Variants in CNTNAP5 observed in about 807,000 individuals in gnomAD.
The protein encoded by CNTNAP5 is contactin associated protein family member 5, also known as contactin-associated protein-like 5.
A neutral mutation model predicts 150.2 loss-of-function variants in CNTNAP5; 72 were observed. That is an observed-to-expected ratio of 0.48 (90% CI 0.40 to 0.58). The LOEUF (loss-of-function observed/expected upper bound fraction) is 0.58. Ranked by LOEUF, CNTNAP5 falls within the 20% of genes least tolerant of loss-of-function variation. The probability of loss-of-function intolerance (pLI) is 0.00; values close to 1 mark genes in which losing one functional copy is unlikely to be tolerated. For synonymous variants in CNTNAP5, 672 were observed against 619.8 expected, an observed-to-expected ratio of 1.08 and a Z score of -1.25; for missense variants, 1,636 against 1,626.2, an observed-to-expected ratio of 1.01 and a Z score of -0.10.
chr2:124,835,339 G>A lies in CNTNAP5; in HGVS notation c.3218-29967G>A, dbSNP rs565872254. ...CTCAGTCCTTTGGGTCTCAATTATT[G>A]CCCTGTGTAAATTCCTGGACCTGAA... On this transcript the variant is annotated intron_variant, in intron 19 of 23. Transcript: ENST00000682447. 5.9e-5 allele frequency among the ~76,000 whole-genome samples: 9 copies of A among 151,892 alleles called. No individual in the cohort carries two copies. The South Asian group carries it at 1.9e-3, about 32-fold the overall frequency.
At chr2:124,901,561 C>T (rs928424172) in intron 21 of CNTNAP5, among the ~76,000 whole-genome samples, 1 of 152,052 alleles carries the variant, frequency 6.6e-6, no homozygotes, top group Non-Finnish European at 1.5e-5. Context: ...ATAATATTCC[C>T]CAAGAGTGTC....
chr2:124,230,923 C>A (rs1241334772), intron 2 of CNTNAP5, among the ~76,000 whole-genome samples: 2 of 152,158 alleles, frequency 1.3e-5, no homozygotes, highest in African/African-American at 4.8e-5. Flanking sequence ...CTTTTCAGCA[C>A]CTTTCCTTTC....
chr2:124,745,148 T>C (rs1680579015), intron 13 of CNTNAP5, among the ~76,000 whole-genome samples: 1 of 152,142 alleles, frequency 6.6e-6, no homozygotes, highest in Non-Finnish European at 1.5e-5. Flanking sequence ...CAAATAAGAA[T>C]TGGTAAATCT....
At chr2:124,740,888 A>G (rs1461227041) in intron 13 of CNTNAP5, among the ~76,000 whole-genome samples, 2 of 151,794 alleles carry the variant, frequency 1.3e-5, no homozygotes, top group African/African-American at 2.4e-5. Flanking sequence ...CTGGAAGGGC[A>G]GGTGGAAACA....
intron 2 of CNTNAP5, among the ~76,000 whole-genome samples, chr2:124,224,605 T>C (rs1395674368): frequency 6.6e-6 from 1 of 151,998 alleles, no homozygotes; most frequent in Non-Finnish European, 1.5e-5. Flanking sequence ...GTTATATAAA[T>C]ATATTCATAC....
chr2:124,344,361 A>T (rs537731677), intron 3 of CNTNAP5, among the ~76,000 whole-genome samples: 36 of 148,464 alleles, frequency 2.4e-4, no homozygotes, highest in Admixed American at 6.1e-4. Context: ...TGTAAAATTT[A>T]AAAAAAAAAA....
intron 3 of CNTNAP5, among the ~76,000 whole-genome samples, chr2:124,312,639 C>T (rs1421729491): frequency 8.5e-5 from 13 of 152,220 alleles, no homozygotes; most frequent in African/African-American, 3.1e-4. Flanking sequence ...GGCACTACCT[C>T]GGCTCACTGC....
chr2:124,853,416 T>C (rs1677268894), intron 19 of CNTNAP5, among the ~76,000 whole-genome samples: 1 of 152,192 alleles, frequency 6.6e-6, no homozygotes, highest in Admixed American at 6.5e-5. Context: ...ATTCCTTTTG[T>C]GGGGTCACAG....
intron 3 of CNTNAP5, among the ~76,000 whole-genome samples, chr2:124,386,732 TC>T (rs78654997): frequency 0.16 from 25,069 of 152,036 alleles, 2,198 homozygotes; most frequent in East Asian, 0.28. Context: ...TTCAAATGTC[TC>T]CCCAGTTTTG....
chr2:124,373,489 C>T (rs1326249676), intron 3 of CNTNAP5, among the ~76,000 whole-genome samples: 1 of 151,894 alleles, frequency 6.6e-6, no homozygotes, highest in African/African-American at 2.4e-5. Flanking sequence ...AAAGTGGTGC[C>T]ACGAGGAGTT....
intron 12 of CNTNAP5, among the ~76,000 whole-genome samples, chr2:124,644,397 T>C (rs1327545917): frequency 6.6e-6 from 1 of 152,210 alleles, no homozygotes; most frequent in East Asian, 1.9e-4. Flanking sequence ...AAAAATATTA[T>C]GGCAATAATA....
chr2:124,520,118 A>T (rs923182881), intron 8 of CNTNAP5, among the ~76,000 whole-genome samples: 11 of 152,176 alleles, frequency 7.2e-5, no homozygotes, highest in African/African-American at 2.4e-4. Flanking sequence ...TTTTAACAAG[A>T]TGGGAATCAT....
chr2:124,784,783 G>A (rs906477166), intron 17 of CNTNAP5, among the ~76,000 whole-genome samples: 1 of 152,150 alleles, frequency 6.6e-6, no homozygotes, highest in African/African-American at 2.4e-5. Context: ...GTGACTCCAG[G>A]CTTTGCCACA....
At chr2:124,384,423 G>T (rs969414138) in intron 3 of CNTNAP5, among the ~76,000 whole-genome samples, 1 of 152,088 alleles carries the variant, frequency 6.6e-6, no homozygotes, top group African/African-American at 2.4e-5. Flanking sequence ...TTTTAAAAAA[G>T]CTCCTATGTA....
In CNTNAP5 at chr2:124,505,843, G is replaced by A. The variant is rs372631405; in HGVS notation, c.1327+1287G>A. On this transcript the variant is annotated intron_variant, in intron 8 of 23. Coordinates refer to ENST00000682447, the MANE Select transcript of CNTNAP5 (RefSeq NM_001367498.1). ...CTGCAGCATGCTGATCGATGAAGAA[G>A]TTCTTTCAGAAGTCTCCCTGAATAA... is the stretch of plus-strand genomic sequence containing the variant. Among the ~76,000 whole-genome samples the A allele has an allele frequency of 2.0e-5, 3 of 152,334 alleles. No individual in the cohort carries two copies. In the East Asian group the frequency reaches 5.8e-4, roughly 29 times the overall value.
Position 124,791,804 on chromosome 2 carries a change from C to T in CNTNAP5, c.2992+1663C>T, listed in dbSNP as rs534806697. Among the ~76,000 whole-genome samples, 4 of 151,776 alleles carry T rather than the reference C, an allele frequency of 2.6e-5. No homozygotes were observed. The South Asian group carries it at 8.4e-4, about 32-fold the overall frequency. ...ATATGTTGCAACATCTCTGTGCTCC[C>T]TCCCACTTTTAATTATGATCTGCAA... On this transcript the variant is annotated intron_variant, in intron 18 of 23. Transcript: ENST00000682447.
chr2:124,864,249 G>A (rs901023587), intron 19 of CNTNAP5, among the ~76,000 whole-genome samples: 2 of 151,988 alleles, frequency 1.3e-5, no homozygotes, highest in African/African-American at 4.8e-5. Context: ...TATAATACTT[G>A]TATATATTTA....
intron 19 of CNTNAP5, among the ~76,000 whole-genome samples, chr2:124,819,434 C>T (rs921398276): frequency 1.3e-5 from 2 of 152,032 alleles, no homozygotes; most frequent in African/African-American, 4.8e-5. Context: ...ACCCCATGAC[C>T]TGAGCTTTGT....
At chr2:124,275,910 T>C (rs1293014809) in intron 3 of CNTNAP5, among the ~76,000 whole-genome samples, 1 of 152,190 alleles carries the variant, frequency 6.6e-6, no homozygotes, top group Non-Finnish European at 1.5e-5. Flanking sequence ...TTCTCCTGAC[T>C]TGGATTCCTC....
Sources: allele counts gnomAD v4.1 joint callset (sites outside exome capture counted in the v4.1 genomes callset), GRCh38; gene constraint gnomAD v4.1.1; transcripts MANE v1.5; gene names NCBI Gene and HGNC (gene_info 2026-07-23, HGNC 2026-07-21).